VDAC1: variants seen among roughly 807,000 people sequenced by gnomAD.
The protein encoded by VDAC1 is voltage dependent anion channel 1, also known as non-selective voltage-gated ion channel VDAC1.
VDAC1 carries 10 observed loss-of-function variants against 34.7 expected under a neutral mutation model. That is an observed-to-expected ratio of 0.29 (90% CI 0.18 to 0.49). VDAC1 has a LOEUF of 0.49. Ranked by LOEUF, VDAC1 falls within the 20% of genes least tolerant of loss-of-function variation. VDAC1 has a pLI of 0.99. For missense variants in VDAC1, 230 were observed against 347.9 expected, an observed-to-expected ratio of 0.66 and a Z score of 2.69; for synonymous variants, 130 against 136.0, an observed-to-expected ratio of 0.96 and a Z score of 0.30.
intron 1 of VDAC1, among the ~76,000 whole-genome samples, chr5:133,996,844 T>C (rs911584857): frequency 1.3e-5 from 2 of 152,172 alleles, no homozygotes; most frequent in African/African-American, 4.8e-5. Flanking sequence ...GCAGGCTCAC[T>C]GTTGCAGCAT....
chr5:133,993,546 C>A (rs996483932), intron 1 of VDAC1, among the ~76,000 whole-genome samples: 8 of 152,158 alleles, frequency 5.3e-5, no homozygotes, highest in African/African-American at 1.9e-4. Context: ...CCAGGATGGG[C>A]CCAACTTTTC....
the VDAC1 span, among the ~76,000 whole-genome samples, chr5:134,074,838 C>A: frequency 2.0e-4 from 31 of 152,158 alleles, no homozygotes; most frequent in South Asian, 2.1e-4. Flanking sequence ...ATTGATGGTC[C>A]TCACATGTGC....
the VDAC1 span, among the ~76,000 whole-genome samples, chr5:134,042,621 G>C: frequency 6.6e-6 from 1 of 152,176 alleles, no homozygotes. Context: ...GGCCTCCAGA[G>C]TAGCTGGAAC....
chr5:133,993,820 T>C (rs1324735331), intron 1 of VDAC1, among the ~76,000 whole-genome samples: 2 of 152,220 alleles, frequency 1.3e-5, no homozygotes, highest in Non-Finnish European at 2.9e-5. Flanking sequence ...GTAACTCAAA[T>C]AGTCTTTGCC....
chr5:134,042,372 A>G, the VDAC1 span, among the ~76,000 whole-genome samples: 4 of 152,144 alleles, frequency 2.6e-5, no homozygotes, highest in Non-Finnish European at 4.4e-5. Context: ...CTGTCTTGCC[A>G]TCCCTTGCCC....
intron 5 of VDAC1, among the ~76,000 whole-genome samples, chr5:133,981,745 A>C (rs1752708829): frequency 6.6e-6 from 1 of 152,228 alleles, no homozygotes; most frequent in African/African-American, 2.4e-5. Flanking sequence ...CCAAAAGTAC[A>C]CACTGGAGAA....
At chr5:134,102,208 T>C in the VDAC1 span, among the ~76,000 whole-genome samples, 2 of 152,050 alleles carry the variant, frequency 1.3e-5, no homozygotes, top group African/African-American at 4.8e-5. Context: ...GGGGGGACTC[T>C]GGGCCTCGCC....
upstream of VDAC1, among the ~76,000 whole-genome samples, chr5:134,006,761 C>CCA (rs1753762016): frequency 2.2e-5 from 2 of 92,960 alleles, no homozygotes; most frequent in Non-Finnish European, 4.3e-5. Context: ...AAAAAAAAAA[C>CCA]AAAAAAAAAC....
At chr5:134,035,518 G>A in the VDAC1 span, among the ~76,000 whole-genome samples, 1 of 152,122 alleles carries the variant, frequency 6.6e-6, no homozygotes, top group Non-Finnish European at 1.5e-5. Context: ...AAAGTGCTGC[G>A]ATTACAGGCT....
At chr5:134,111,403 A>C in the VDAC1 span, among the ~76,000 whole-genome samples, 1 of 152,136 alleles carries the variant, frequency 6.6e-6, no homozygotes, top group African/African-American at 2.4e-5. Context: ...CTGGTCCTGA[A>C]ACTCCCCGGT....
the VDAC1 span, among the ~76,000 whole-genome samples, chr5:134,026,537 A>AG: frequency 6.0e-5 from 9 of 150,724 alleles, no homozygotes; most frequent in African/African-American, 2.2e-4. Flanking sequence ...AAAAAAAAAA[A>AG]AACACTAAAC....
At chr5:134,043,223 C>G in the VDAC1 span, among the ~76,000 whole-genome samples, 1 of 152,254 alleles carries the variant, frequency 6.6e-6, no homozygotes, top group Non-Finnish European at 1.5e-5. Flanking sequence ...CAGAGATGCT[C>G]TCCTCTGAGT....
intron 1 of VDAC1, among the ~76,000 whole-genome samples, chr5:134,004,069 T>C (rs1753663347): frequency 6.6e-6 from 1 of 152,170 alleles, no homozygotes. Flanking sequence ...GGCCGGCGCG[T>C]TCCGCTCTAG....
At chr5:134,071,128 C>T in the VDAC1 span, among the ~76,000 whole-genome samples, 1 of 152,238 alleles carries the variant, frequency 6.6e-6, no homozygotes, top group African/African-American at 2.4e-5. The surrounding 1 kb of genome is among the most constrained non-coding windows in gnomAD (Gnocchi z 4.1). Flanking sequence ...GACCCCGCGA[C>T]CCCGGAGGCG....
the VDAC1 span, among the ~76,000 whole-genome samples, chr5:134,078,319 G>A: frequency 6.6e-6 from 1 of 152,186 alleles, no homozygotes. Context: ...GGTGGGGCAG[G>A]ACAGGGGGGA....
the VDAC1 span, among the ~76,000 whole-genome samples, chr5:134,076,811 G>A: frequency 1.3e-4 from 20 of 152,248 alleles, no homozygotes; most frequent in African/African-American, 4.3e-4. Flanking sequence ...CAACCATCTG[G>A]CTCTCTGGGA....
At chr5:133,978,480 T>C (rs544873908) in intron 6 of VDAC1, among the ~76,000 whole-genome samples, 24 of 152,214 alleles carry the variant, frequency 1.6e-4, no homozygotes, top group Non-Finnish European at 3.2e-4. Context: ...ATTATGCTTC[T>C]AGAAAGTACA....
the VDAC1 span, among the ~76,000 whole-genome samples, chr5:134,078,904 GC>G: frequency 6.6e-6 from 1 of 151,896 alleles, no homozygotes; most frequent in Non-Finnish European, 1.5e-5. Context: ...GCCCACCTCA[GC>G]CTCCCAAAGT....
the VDAC1 span, among the ~76,000 whole-genome samples, chr5:134,042,592 C>T: frequency 5.9e-5 from 9 of 152,178 alleles, no homozygotes; most frequent in Admixed American, 2.6e-4. Context: ...CTCCCAGGTT[C>T]AAGCGATTCT....
Sources: gnomAD v4.1 joint callset for allele counts (sites outside exome capture counted in the v4.1 genomes callset) on GRCh38, gnomAD v4.1.1 for gene constraint, Gnocchi (gnomAD v3.1) non-coding constraint, MANE v1.5 for transcripts, NCBI Gene and HGNC (gene_info 2026-07-23, HGNC 2026-07-21) for gene names.